BCAS3: variants seen among roughly 807,000 people sequenced by gnomAD.
BCAS3 encodes the protein BCAS3 microtubule associated cell migration factor.
In BCAS3, 53 loss-of-function variants were observed where a neutral mutation model predicts 116.1. The observed-to-expected ratio is 0.46, with a 90% CI of 0.37 to 0.57. The LOEUF (loss-of-function observed/expected upper bound fraction) is 0.57, where lower values mean the gene tolerates loss of function less well. Ranked by LOEUF, BCAS3 falls within the 20% of genes least tolerant of loss-of-function variation. The probability of loss-of-function intolerance (pLI) is 0.00; values close to 1 mark genes in which losing one functional copy is unlikely to be tolerated. For synonymous variants in BCAS3, 391 were observed against 408.2 expected (o/e 0.96, Z 0.51); for missense variants, 917 against 1,165.4 (o/e 0.79, Z 3.10).
Position 61,026,826 on chromosome 17 carries a change from T to G in BCAS3, c.1638-7840T>G. 1 of 1,555,528 alleles carries G rather than the reference T, an allele frequency of 6.4e-7. No individual in the cohort carries two copies. Among genetic ancestry groups the G allele is most frequent in the Non-Finnish European group, 8.8e-7 (1 of 1,141,822 alleles). ...TATTTGCTAATGTTAAATGAGTTTT[T>G]CTCTAATTTTTTGTGCATTTTTCCC... is the stretch of plus-strand genomic sequence containing the variant. On this transcript the variant is annotated intron_variant, in intron 16 of 23. Transcript: ENST00000407086. The surrounding 1 kb of genome is among the most constrained non-coding windows in gnomAD (Gnocchi z 5.0).
Position 61,367,125 on chromosome 17 carries a change from G to A in BCAS3, c.2426-1202G>A, listed in dbSNP as rs1258049067. On this transcript the variant is annotated intron_variant, in intron 22 of 23. Transcript: ENST00000407086. This position sits in a 1 kb window ranked among gnomAD's most constrained non-coding sequence, Gnocchi z 6.2. ...CTGCCTGGCGAAGATAGTTTCTGAC[G>A]GCTGATCAAAGAGGAGAAGCAAGGC... 2.6e-5 allele frequency among the ~76,000 whole-genome samples: 4 copies of A among 152,208 alleles called. No individual in the cohort carries two copies. Among genetic ancestry groups the A allele is most frequent in the Non-Finnish European group, 5.9e-5 (4 of 68,038 alleles).
intron 5 of BCAS3, among the ~76,000 whole-genome samples, chr17:60,731,889 C>T (rs1453312853): frequency 6.6e-6 from 1 of 151,410 alleles, no homozygotes; most frequent in South Asian, 2.1e-4. Flanking sequence ...AGCAATTCTC[C>T]CATCTCAGCC....
chr17:61,101,030 A>G (rs1020864352), intron 22 of BCAS3, among the ~76,000 whole-genome samples: 7 of 152,154 alleles, frequency 4.6e-5, no homozygotes, highest in Non-Finnish European at 8.8e-5. Flanking sequence ...TTTCATTCAT[A>G]TAATCATCAG....
intron 22 of BCAS3, among the ~76,000 whole-genome samples, chr17:61,246,032 G>C (rs1452396265): frequency 6.6e-6 from 1 of 152,124 alleles, no homozygotes; most frequent in Non-Finnish European, 1.5e-5. Flanking sequence ...GGAGGGCTGA[G>C]ACTTTAGAAT....
Position 61,156,388 on chromosome 17 carries a change from C to A in BCAS3, c.2425+71824C>A, listed in dbSNP as rs1028387938. Among the ~76,000 whole-genome samples the A allele has an allele frequency of 6.6e-6, 1 of 151,970 alleles. No homozygotes were observed. The highest frequency in any genetic ancestry group is 1.5e-5 in the Non-Finnish European group (1 of 67,974). ...GGTGGACTTTTGTTTTATCTTGTTT[C>A]TTTTGGGGGAAACTTAGAGTAATAT... is the stretch of plus-strand genomic sequence containing the variant. On this transcript the variant is annotated intron_variant, in intron 22 of 23. Coordinates refer to ENST00000407086, the MANE Select transcript of BCAS3 (RefSeq NM_017679.5). This position sits in a 1 kb window ranked among gnomAD's most constrained non-coding sequence, Gnocchi z 4.7.
chr17:61,046,633 C>G (rs988823356), intron 19 of BCAS3, among the ~76,000 whole-genome samples: 1 of 151,508 alleles, frequency 6.6e-6, no homozygotes, highest in Non-Finnish European at 1.5e-5. Context: ...TAGACATGTT[C>G]GGTAGAGACG....
intron 22 of BCAS3, among the ~76,000 whole-genome samples, chr17:61,238,290 T>G (rs1166628529): frequency 6.6e-6 from 1 of 151,272 alleles, no homozygotes; most frequent in Admixed American, 6.6e-5. Flanking sequence ...TGGCATGATC[T>G]TGGCTCACTG....
At chr17:60,825,439 G>C (rs1598969359) in intron 7 of BCAS3, among the ~76,000 whole-genome samples, 2 of 149,944 alleles carry the variant, frequency 1.3e-5, no homozygotes, top group South Asian at 2.1e-4. Flanking sequence ...GAGTATGCTG[G>C]TGTCCTAGTT....
rs890376579 is a variant in BCAS3, at chr17:61,315,313, C to T, written c.2426-53014C>T. On this transcript the variant is annotated intron_variant, in intron 22 of 23. Coordinates refer to ENST00000407086, the MANE Select transcript of BCAS3 (RefSeq NM_017679.5). The surrounding 1 kb of genome is among the most constrained non-coding windows in gnomAD (Gnocchi z 5.3). ...TATTTTTAGTAGAGACAGGGTTTCA[C>T]CATGTTGGCCTGGATGGATGGTCTC... is the stretch of plus-strand genomic sequence containing the variant. Among the ~76,000 whole-genome samples the T allele has an allele frequency of 6.6e-6, 1 of 152,074 alleles. No homozygotes were observed. Among genetic ancestry groups the T allele is most frequent in the Non-Finnish European group, 1.5e-5 (1 of 68,012 alleles).
intron 12 of BCAS3, among the ~76,000 whole-genome samples, chr17:60,915,831 C>A (rs1013972797): frequency 1.3e-5 from 2 of 151,724 alleles, no homozygotes; most frequent in Non-Finnish European, 2.9e-5. Context: ...TACAGGTGCC[C>A]GCCACCACAC....
At chr17:60,837,024 T>A (rs1265599876) in intron 7 of BCAS3, among the ~76,000 whole-genome samples, 1 of 152,196 alleles carries the variant, frequency 6.6e-6, no homozygotes, top group African/African-American at 2.4e-5. Context: ...ACTGACAAAC[T>A]TGTACTTTGT....
At chr17:61,062,344 A>G (rs1796091021) in intron 19 of BCAS3, among the ~76,000 whole-genome samples, 1 of 152,218 alleles carries the variant, frequency 6.6e-6, no homozygotes. Context: ...GTAAGCTTTA[A>G]TAAGAATGCT....
chr17:61,336,896 T>C (rs1401663634), intron 22 of BCAS3, among the ~76,000 whole-genome samples: 1 of 152,096 alleles, frequency 6.6e-6, no homozygotes, highest in Non-Finnish European at 1.5e-5. Context: ...GCAGATCACT[T>C]GAGGTCAGGA....
chr17:61,033,153 G>C (rs2066767964), intron 16 of BCAS3, among the ~76,000 whole-genome samples: 1 of 152,194 alleles, frequency 6.6e-6, no homozygotes, highest in Non-Finnish European at 1.5e-5. Context: ...TGAGTACTGT[G>C]ATATGGGAAA....
chr17:60,679,386 TCCTC>T (rs1404737562), intron 1 of BCAS3, 63 bp from the exon 2 acceptor site: 3 of 1,224,642 alleles, frequency 2.4e-6, no homozygotes, highest in Non-Finnish European at 3.5e-6. Flanking sequence ...TCATAAATCT[TCCTC>T]CCTACCCCCA....
rs2054139112 is a variant in BCAS3, at chr17:61,309,645, C to T, written c.2426-58682C>T. Reference sequence around the variant, plus strand: ...CCTTTCCTGAAGCGTGTTCTCCGTCCCAAGGAAAACACACACATCCAGAAG... The same window carrying T: ...CCTTTCCTGAAGCGTGTTCTCCGTCTCAAGGAAAACACACACATCCAGAAG... On this transcript the variant is annotated intron_variant, in intron 22 of 23. Coordinates refer to ENST00000407086, the MANE Select transcript of BCAS3 (RefSeq NM_017679.5). The surrounding 1 kb of genome is among the most constrained non-coding windows in gnomAD (Gnocchi z 4.6). Among the ~76,000 whole-genome samples, 1 of 152,112 alleles carries T rather than the reference C, an allele frequency of 6.6e-6. No homozygotes were observed. The highest frequency in any genetic ancestry group is 6.5e-5 in the Admixed American group (1 of 15,280).
intron 6 of BCAS3, among the ~76,000 whole-genome samples, chr17:60,755,230 C>G (rs1598476284): frequency 6.6e-6 from 1 of 152,032 alleles, no homozygotes; most frequent in East Asian, 1.9e-4. Context: ...GGGCGTTTTT[C>G]TATAAGAGGT....
At chr17:61,384,232 C>T (rs2059740152) in intron 23 of BCAS3, among the ~76,000 whole-genome samples, 2 of 152,266 alleles carry the variant, frequency 1.3e-5, no homozygotes, top group Non-Finnish European at 2.9e-5. Flanking sequence ...GCTCTGCCCC[C>T]AGGTTGGCAT....
intron 6 of BCAS3, among the ~76,000 whole-genome samples, chr17:60,758,247 A>G (rs993346316): frequency 3.9e-5 from 6 of 152,134 alleles, no homozygotes; most frequent in Non-Finnish European, 7.4e-5. Flanking sequence ...TTTTGATTCT[A>G]TACACATTTG....
Sources: gnomAD v4.1 joint callset for allele counts (sites outside exome capture counted in the v4.1 genomes callset) on GRCh38, gnomAD v4.1.1 for gene constraint, Gnocchi (gnomAD v3.1) non-coding constraint, MANE v1.5 for transcripts, NCBI Gene and HGNC (gene_info 2026-07-23, HGNC 2026-07-21) for gene names.